The following CCDC148 variants were observed in gnomAD, a reference collection of about 807,000 sequenced individuals.
The protein encoded by CCDC148 is coiled-coil domain-containing protein 148.
Under a neutral mutation model 85.7 loss-of-function variants are expected in CCDC148, and 89 were observed. The observed-to-expected ratio is 1.04, with a 90% confidence interval of 0.87 to 1.24. CCDC148 has a LOEUF of 1.24. Among genes scored for constraint, CCDC148 ranks in the 50% most tolerant of loss-of-function variants. CCDC148 has a pLI of 0.00. For missense variants in CCDC148, 692 were observed against 671.7 expected (o/e 1.03, Z -0.33); for synonymous variants, 230 against 213.9 (o/e 1.08, Z -0.66).
intron 1 of CCDC148, among the ~76,000 whole-genome samples, chr2:158,384,171 T>A (rs1684989687): frequency 6.6e-6 from 1 of 152,200 alleles, no homozygotes; most frequent in Non-Finnish European, 1.5e-5. Flanking sequence ...ATCGCTTAAT[T>A]AAGGTAGTGC....
chr2:158,446,346 G>A (rs1688156238), intron 1 of CCDC148, among the ~76,000 whole-genome samples: 1 of 124,146 alleles, frequency 8.1e-6, no homozygotes, highest in South Asian at 2.3e-4. Flanking sequence ...GCAAGAACTT[G>A]TCTCAAAAAA....
At chr2:158,230,747 GA>G (rs1271633642) in intron 10 of CCDC148, among the ~76,000 whole-genome samples, 8 of 152,154 alleles carry the variant, frequency 5.3e-5, no homozygotes, top group African/African-American at 1.9e-4. Flanking sequence ...CAGTTAGAAG[GA>G]AAAGGCAGCG....
At chr2:158,398,317 A>C (rs1685621479) in intron 1 of CCDC148, among the ~76,000 whole-genome samples, 1 of 152,146 alleles carries the variant, frequency 6.6e-6, no homozygotes, top group Non-Finnish European at 1.5e-5. Context: ...AAATCAACAG[A>C]ATATACATTC....
intron 1 of CCDC148, among the ~76,000 whole-genome samples, chr2:158,454,331 AGGGTG>A: frequency 6.6e-6 from 1 of 152,336 alleles, no homozygotes; most frequent in Admixed American, 6.5e-5. Flanking sequence ...TTTGGAGGAG[AGGGTG>A]TAACACATCA....
At chr2:158,319,234 C>A (rs937759982) in intron 7 of CCDC148, among the ~76,000 whole-genome samples, 8 of 152,202 alleles carry the variant, frequency 5.3e-5, no homozygotes, top group African/African-American at 1.7e-4. Flanking sequence ...GATCCACTCT[C>A]CTCCATCCAC....
At chr2:158,387,418 A>G (rs1685135527) in intron 1 of CCDC148, among the ~76,000 whole-genome samples, 1 of 152,100 alleles carries the variant, frequency 6.6e-6, no homozygotes, top group Non-Finnish European at 1.5e-5. Context: ...AACAGTGAGA[A>G]GTCCAGCTGC....
intron 1 of CCDC148, among the ~76,000 whole-genome samples, chr2:158,406,934 A>G (rs1686052649): frequency 1.3e-5 from 2 of 151,704 alleles, no homozygotes; most frequent in South Asian, 4.2e-4. Context: ...GGCACATTAC[A>G]TTTCCACAAG....
intron 7 of CCDC148, among the ~76,000 whole-genome samples, chr2:158,325,960 G>T (rs996169126): frequency 2.0e-5 from 3 of 152,080 alleles, no homozygotes; most frequent in Non-Finnish European, 4.4e-5. Context: ...CTTAAACACA[G>T]TAACTGCCAA....
At chr2:158,403,438 G>A (rs886344193) in intron 1 of CCDC148, among the ~76,000 whole-genome samples, 11 of 151,944 alleles carry the variant, frequency 7.2e-5, no homozygotes, top group Admixed American at 5.3e-4. Flanking sequence ...TTCAACCACT[G>A]AGGGAAAGTA....
intron 1 of CCDC148, among the ~76,000 whole-genome samples, chr2:158,419,079 T>A (rs1686646957): frequency 6.6e-6 from 1 of 152,106 alleles, no homozygotes; most frequent in African/African-American, 2.4e-5. Context: ...TGGACTGAGT[T>A]TTTTCCTGTG....
At chr2:158,311,613 T>C (rs2105211748) in intron 8 of CCDC148, among the ~76,000 whole-genome samples, 1 of 152,354 alleles carries the variant, frequency 6.6e-6, no homozygotes, top group Middle Eastern at 3.4e-3. Context: ...ATTTTCCCTA[T>C]ATATAATTTT....
intron 7 of CCDC148, among the ~76,000 whole-genome samples, chr2:158,331,212 G>A (rs1184402220): frequency 1.3e-5 from 2 of 152,082 alleles, no homozygotes; most frequent in Admixed American, 6.6e-5. Flanking sequence ...GGTTGTCTTT[G>A]TTCTCATTGG....
chr2:158,364,169 A>G (rs2105273078), intron 1 of CCDC148, among the ~76,000 whole-genome samples: 1 of 152,362 alleles, frequency 6.6e-6, no homozygotes, highest in Middle Eastern at 3.4e-3. Flanking sequence ...GAGGACACAA[A>G]CAAATGGAAA....
rs112578421 is a variant in CCDC148 at position 158,262,216 on chromosome 2, A to G, written c.1111-11304T>C. ...ACAAGATCATATATTTTGCAGAAAC[A>G]TGGATGGAGCTGGAGGGTATTATCC... On this transcript the variant is annotated intron_variant, in intron 9 of 13. Coordinates refer to ENST00000283233, the MANE Select transcript of CCDC148 (RefSeq NM_138803.4). 1.1e-3 allele frequency among the ~76,000 whole-genome samples: 167 copies of G among 152,176 alleles called. 1 individual carries two copies. Among genetic ancestry groups the G allele is most frequent in the African/African-American group, 3.9e-3 (161 of 41,542 alleles).
At chr2:158,241,614 GT>G (rs1161986103) in intron 10 of CCDC148, among the ~76,000 whole-genome samples, 2 of 152,122 alleles carry the variant, frequency 1.3e-5, no homozygotes, top group Non-Finnish European at 2.9e-5. Context: ...TGATCATTTT[GT>G]TTGGACCCTT....
chr2:158,340,510 T>C, intron 4 of CCDC148, 88 bp downstream of exon 4: 1 of 1,402,684 alleles, frequency 7.1e-7, no homozygotes, highest in South Asian at 1.3e-5. Flanking sequence ...CAAATGGCAG[T>C]TAATATTAAA....
At chr2:158,187,235 T>G (rs1284582549) in intron 11 of CCDC148, among the ~76,000 whole-genome samples, 1 of 152,010 alleles carries the variant, frequency 6.6e-6, no homozygotes, top group Non-Finnish European at 1.5e-5. Flanking sequence ...CTCCTAATCC[T>G]ATAAATCTAG....
intron 11 of CCDC148, among the ~76,000 whole-genome samples, chr2:158,201,331 A>T (rs1685942563): frequency 6.6e-6 from 1 of 152,166 alleles, no homozygotes; most frequent in Admixed American, 6.6e-5. Context: ...TAACCAGTGA[A>T]GTTTAGGATT....
chr2:158,248,509 G>C (rs1483091441), intron 10 of CCDC148, among the ~76,000 whole-genome samples: 4 of 152,076 alleles, frequency 2.6e-5, no homozygotes, highest in African/African-American at 7.2e-5. Flanking sequence ...CTTTGGCTTA[G>C]TTTCCCAAAG....
Sources: gnomAD v4.1 joint callset for allele counts (sites outside exome capture counted in the v4.1 genomes callset) on GRCh38, gnomAD v4.1.1 for gene constraint, MANE v1.5 for transcripts, NCBI Gene and HGNC (gene_info 2026-07-23, HGNC 2026-07-21) for gene names.